VWA3B: variants seen among roughly 807,000 people sequenced by gnomAD.
The protein encoded by VWA3B is von Willebrand factor A domain containing 3B, also known as von Willebrand factor A domain-containing protein 3B.
A neutral mutation model predicts 158.3 loss-of-function variants in VWA3B; 138 were observed. That is an observed-to-expected ratio of 0.87 (90% CI 0.76 to 1.00). VWA3B has a LOEUF of 1.00. Ranked by LOEUF, VWA3B falls within the 50% of genes least tolerant of loss-of-function variation. The probability of loss-of-function intolerance (pLI) is 0.00; values close to 1 mark genes in which losing one functional copy is unlikely to be tolerated. For missense variants in VWA3B, 1,555 were observed against 1,565.1 expected (o/e 0.99, Z 0.11); for synonymous variants, 596 against 587.3 (o/e 1.01, Z -0.21).
At chr2:98,179,190 A>G (rs1369365586) in intron 8 of VWA3B, 1 of 470,762 alleles carries the variant, frequency 2.1e-6, no homozygotes, top group African/African-American at 2.0e-5. Flanking sequence ...CCTCAGCTTC[A>G]CAGTTCCTCA....
In VWA3B at chr2:98,264,382, C is replaced by A. The variant is rs13395774; in HGVS notation, c.2844-6300C>A. On this transcript the variant is annotated intron_variant, in intron 21 of 27. Transcript: ENST00000477737. ...ACTATAAACTTCCTTCTCAGTACTG[C>A]TTTCACTGCATCTCATACATTTCGA... Among the ~76,000 whole-genome samples the A allele has an allele frequency of 7.8e-3, 1,194 of 152,184 alleles. 21 individuals carry two copies. The highest frequency in any genetic ancestry group is 0.027 in the African/African-American group (1,124 of 41,498).
chr2:98,218,500 T>C (rs1684219182), intron 14 of VWA3B, among the ~76,000 whole-genome samples: 2 of 152,222 alleles, frequency 1.3e-5, no homozygotes, highest in South Asian at 4.1e-4. Context: ...TATACACAGA[T>C]ATTTGTAGAA....
intron 2 of VWA3B, among the ~76,000 whole-genome samples, chr2:98,104,998 AT>A (rs1178205973): frequency 1.3e-5 from 2 of 152,156 alleles, no homozygotes; most frequent in Admixed American, 1.3e-4. Context: ...CAGAGTCATA[AT>A]TTTTGCTTTT....
chr2:98,231,168 G>A (rs943304694), intron 16 of VWA3B, among the ~76,000 whole-genome samples: 20 of 152,156 alleles, frequency 1.3e-4, no homozygotes, highest in African/African-American at 4.8e-4. Context: ...CATGTTCATA[G>A]GTTGAATGAA....
chr2:98,155,322 C>G (rs1180048365), intron 7 of VWA3B, among the ~76,000 whole-genome samples: 2 of 152,118 alleles, frequency 1.3e-5, no homozygotes, highest in Non-Finnish European at 2.9e-5. Context: ...TGAAGGAAAA[C>G]GAAAAGTGAT....
chr2:98,157,849 G>C (rs1020011351), intron 7 of VWA3B, among the ~76,000 whole-genome samples: 4 of 152,056 alleles, frequency 2.6e-5, no homozygotes, highest in African/African-American at 9.7e-5. Flanking sequence ...GGGTGGTTTT[G>C]TTTCTGGGCT....
At position 98,163,059 on chromosome 2, in the gene VWA3B, C is replaced by A. The variant is rs148412676; in HGVS notation, c.1114+83C>A. On this transcript the variant is annotated intron_variant, in intron 8 of 27. Transcript: ENST00000477737. ...CCAGGGGCTGCTTCCATGTTCCTGA[C>A]CAGAGAAGCTCCAGAGCCCAGCTGC... 3.2e-4 allele frequency: 505 copies of A among 1,571,182 alleles called. 1 individual carries two copies. The African/African-American group carries it at 6.3e-3, about 20-fold the overall frequency.
chr2:98,190,262 C>A (rs1428400045), intron 10 of VWA3B, among the ~76,000 whole-genome samples: 3 of 152,028 alleles, frequency 2.0e-5, no homozygotes, highest in African/African-American at 7.2e-5. Context: ...ATCAGTCACC[C>A]TACAAATAAT....
At chr2:98,206,238 G>A in intron 12 of VWA3B, 1 of 155,046 alleles carries the variant, frequency 6.4e-6, no homozygotes, top group East Asian at 1.9e-4. Flanking sequence ...TCCAAGCTCA[G>A]GTCTTGCCAT....
Position 98,087,354 on chromosome 2 carries a change from A to T in VWA3B, c.-42A>T, listed in dbSNP as rs1681934883. On this transcript the variant is annotated 5_prime_UTR_variant, in exon 1 of 28. Transcript: ENST00000477737. Reference sequence around the variant, plus strand: ...GGAGCCGCCACGTCTTCCACCCGACATATTGCCTAGTAAGTGTGGGAGCGA... The same window carrying T: ...GGAGCCGCCACGTCTTCCACCCGACTTATTGCCTAGTAAGTGTGGGAGCGA... 1 of 152,178 alleles carries T rather than the reference A, an allele frequency of 6.6e-6. No individual in the cohort carries two copies. Among genetic ancestry groups the T allele is most frequent in the Non-Finnish European group, 1.5e-5 (1 of 68,056 alleles). The allele number at this position is 152,178 out of a possible 1,614,324, so 9.4% of individuals were successfully genotyped here.
At chr2:98,294,508 G>A (rs188360827) in intron 23 of VWA3B, among the ~76,000 whole-genome samples, 1 of 152,384 alleles carries the variant, frequency 6.6e-6, no homozygotes, top group Admixed American at 6.5e-5. Flanking sequence ...AGGGGTCAGT[G>A]TGGGTGATCC....
intron 12 of VWA3B, among the ~76,000 whole-genome samples, chr2:98,208,893 GA>G (rs1196190418): frequency 6.6e-6 from 1 of 151,884 alleles, no homozygotes; most frequent in Non-Finnish European, 1.5e-5. Flanking sequence ...TTTCTATATG[GA>G]AAGCTTTCAT....
At chr2:98,317,435 C>T (rs929331958), downstream of VWA3B, among the ~76,000 whole-genome samples, 1 of 152,102 alleles carries the variant, frequency 6.6e-6, no homozygotes, top group Admixed American at 6.5e-5. Flanking sequence ...GTCGGAGGTG[C>T]CTCATTATAC....
intron 8 of VWA3B, among the ~76,000 whole-genome samples, chr2:98,180,729 C>A (rs1021059358): frequency 2.0e-5 from 3 of 152,252 alleles, no homozygotes; most frequent in African/African-American, 7.2e-5. Flanking sequence ...TGGTCACCTT[C>A]ACCCAGGCAT....
intron 24 of VWA3B, 37 bp downstream of exon 24, chr2:98,298,068 AC>A: frequency 7.0e-7 from 1 of 1,422,898 alleles, no homozygotes; most frequent in Non-Finnish European, 9.2e-7. Flanking sequence ...GCCCCTTTTC[AC>A]CATCCACAGA....
At chr2:98,252,496 G>A (rs1042672819) in intron 20 of VWA3B, among the ~76,000 whole-genome samples, 6 of 152,032 alleles carry the variant, frequency 3.9e-5, no homozygotes, top group Non-Finnish European at 7.4e-5. Flanking sequence ...GATGGTTCGC[G>A]GGGGTTTCCT....
At chr2:98,212,407 T>C (rs1683603327) in intron 13 of VWA3B, among the ~76,000 whole-genome samples, 1 of 152,252 alleles carries the variant, frequency 6.6e-6, no homozygotes, top group Non-Finnish European at 1.5e-5. Context: ...CACTGCATAA[T>C]GTCCTTGGCT....
intron 1 of VWA3B, among the ~76,000 whole-genome samples, chr2:98,089,665 G>A (rs113367766): frequency 1.4e-5 from 2 of 147,118 alleles, no homozygotes; most frequent in East Asian, 2.0e-4. Context: ...TTTTTTTCCA[G>A]ACAATACAAA....
rs757347683 is a variant in VWA3B, at chr2:98,303,745, AG to A, written c.3465del (p.Lys1155AsnfsTer9). The A allele has an allele frequency of 6.2e-7, 1 of 1,614,184 alleles. No homozygotes were observed. Among genetic ancestry groups the A allele is most frequent in the Admixed American group, 1.7e-5 (1 of 60,016 alleles). On this transcript the variant is annotated frameshift_variant, in exon 26 of 28. Coordinates refer to ENST00000477737, the MANE Select transcript of VWA3B (RefSeq NM_144992.5). LOFTEE classifies it high-confidence loss of function. ...GCACTTATTAAGATCAGCCAAAACAAGTATGCGCTCTCTTGCTCTCATATAA... is the reference window on the plus strand; with the variant it reads ...GCACTTATTAAGATCAGCCAAAACAATATGCGCTCTCTTGCTCTCATATAA... ...RSALIKISQN[K>X]YALSCSHIKS...
Sources: allele counts gnomAD v4.1 joint callset (sites outside exome capture counted in the v4.1 genomes callset), GRCh38; gene constraint gnomAD v4.1.1; transcripts MANE v1.5; gene names NCBI Gene and HGNC (gene_info 2026-07-23, HGNC 2026-07-21).